Variants in MIPEP observed in about 807,000 individuals in gnomAD.
The protein encoded by MIPEP is mitochondrial intermediate peptidase.
Under a neutral mutation model 90.3 loss-of-function variants are expected in MIPEP, and 79 were observed. The observed-to-expected ratio is 0.87, with a 90% CI of 0.73 to 1.05. MIPEP has a LOEUF of 1.05. Ranked by LOEUF, MIPEP falls within the 50% of genes least tolerant of loss-of-function variation. MIPEP has a pLI of 0.00. For synonymous variants in MIPEP, 334 were observed against 315.8 expected (o/e 1.06, Z -0.61); for missense variants, 940 against 905.6 (o/e 1.04, Z -0.49).
chr13:23,810,071 T>A (rs1275234798), intron 14 of MIPEP, 147 bp from the exon 15 acceptor site: 2 of 516,840 alleles, frequency 3.9e-6, no homozygotes, highest in Non-Finnish European at 6.7e-6. Flanking sequence ...TTTAAATATT[T>A]TAGTTGGCAA....
intron 18 of MIPEP, among the ~76,000 whole-genome samples, chr13:23,741,585 TG>T (rs1952329241): frequency 6.6e-6 from 1 of 152,112 alleles, no homozygotes; most frequent in Non-Finnish European, 1.5e-5. Flanking sequence ...AACCAATTAC[TG>T]CATGTTCTTA....
At position 23,781,103 on chromosome 13, in the gene MIPEP, A is replaced by C. The variant is rs538907546; in HGVS notation, c.1849-20886T>G. On this transcript the variant is annotated intron_variant, in intron 16 of 18. Transcript: ENST00000382172. ...CATTCAAATTCAGGAAATACAGAGA[A>C]CACCACAAAGATACTCCTCGAGAAG... Among the ~76,000 whole-genome samples the C allele has an allele frequency of 3.9e-5, 6 of 152,314 alleles. No individual in the cohort carries two copies. The East Asian group carries it at 9.6e-4, about 24-fold the overall frequency.
chr13:23,862,260 C>T, intron 9 of MIPEP, 42 bp downstream of exon 9: 1 of 1,172,732 alleles, frequency 8.5e-7, no homozygotes, highest in South Asian at 1.4e-5. Flanking sequence ...TTTCAGTTGA[C>T]AGACTGTCTA....
intron 10 of MIPEP, among the ~76,000 whole-genome samples, chr13:23,857,352 A>T (rs11618815): frequency 0.28 from 41,946 of 151,888 alleles, 6,699 homozygotes; most frequent in Non-Finnish European, 0.36. Context: ...ATACATTTTT[A>T]AAAAAATGGT....
chr13:23,817,392 T>C (rs1953252759), intron 14 of MIPEP, among the ~76,000 whole-genome samples: 1 of 151,990 alleles, frequency 6.6e-6, no homozygotes, highest in Admixed American at 6.6e-5. Flanking sequence ...CGAGTGAGAA[T>C]CCCCCTTTCC....
intron 14 of MIPEP, among the ~76,000 whole-genome samples, chr13:23,825,507 C>T (rs956548190): frequency 6.6e-6 from 1 of 152,176 alleles, no homozygotes; most frequent in African/African-American, 2.4e-5. Flanking sequence ...TAGAATGTTA[C>T]TGTTCTAAAA....
At chr13:23,802,454 G>A (rs944337858) in intron 16 of MIPEP, among the ~76,000 whole-genome samples, 1 of 152,016 alleles carries the variant, frequency 6.6e-6, no homozygotes, top group African/African-American at 2.4e-5. Flanking sequence ...TGTAATCCCA[G>A]CTACTCAGGA....
At chr13:23,828,345 T>C (rs1868571463) in intron 14 of MIPEP, among the ~76,000 whole-genome samples, 1 of 152,140 alleles carries the variant, frequency 6.6e-6, no homozygotes, top group Non-Finnish European at 1.5e-5. Flanking sequence ...TAGAACAAGG[T>C]AAACAGAAAA....
intron 10 of MIPEP, among the ~76,000 whole-genome samples, chr13:23,848,042 C>T (rs937109790): frequency 2.0e-5 from 3 of 152,156 alleles, no homozygotes; most frequent in Non-Finnish European, 2.9e-5. Context: ...ATCTGGAATA[C>T]AAGAAAGAGC....
At chr13:23,796,776 AAGCTGGTACAGTGGTT>A (rs1426546637) in intron 16 of MIPEP, among the ~76,000 whole-genome samples, 1 of 152,194 alleles carries the variant, frequency 6.6e-6, no homozygotes, top group East Asian at 1.9e-4. Context: ...CTCCATCTCC[AAGCTGGTACAGTGGTT>A]ACTTTCCTTT....
intron 2 of MIPEP, among the ~76,000 whole-genome samples, chr13:23,885,751 C>G (rs1480288164): frequency 2.8e-5 from 4 of 145,044 alleles, no homozygotes. Flanking sequence ...AAAAAAAAAG[C>G]ATTCCTGAAA....
chr13:23,838,476 T>C (rs1369062489), intron 12 of MIPEP, among the ~76,000 whole-genome samples: 4 of 152,166 alleles, frequency 2.6e-5, no homozygotes, highest in African/African-American at 9.7e-5. Context: ...TTGAACGAGA[T>C]GGGATCTAAA....
chr13:23,753,455 T>C (rs993855217), intron 18 of MIPEP, among the ~76,000 whole-genome samples: 1 of 152,126 alleles, frequency 6.6e-6, no homozygotes, highest in African/African-American at 2.4e-5. Flanking sequence ...TCAAATGGTA[T>C]TTGGTGTGTT....
chr13:23,828,454 G>A (rs2137439716), intron 14 of MIPEP, among the ~76,000 whole-genome samples: 1 of 152,252 alleles, frequency 6.6e-6, no homozygotes, highest in Admixed American at 6.5e-5. Flanking sequence ...CAAATTCTGT[G>A]AATTAATAAG....
intron 2 of MIPEP, among the ~76,000 whole-genome samples, chr13:23,884,216 G>C (rs1196516187): frequency 2.6e-5 from 4 of 150,952 alleles, no homozygotes; most frequent in African/African-American, 9.8e-5. Flanking sequence ...AGAGGTTAGT[G>C]GGGAGGGGGG....
chr13:23,738,063 A>C (rs1952284216), intron 18 of MIPEP, among the ~76,000 whole-genome samples: 1 of 152,232 alleles, frequency 6.6e-6, no homozygotes, highest in Admixed American at 6.5e-5. Flanking sequence ...GAAACTATTA[A>C]TTGAATATTT....
chr13:23,736,769 G>A (rs1050124636), intron 18 of MIPEP, among the ~76,000 whole-genome samples: 3 of 152,094 alleles, frequency 2.0e-5, no homozygotes, highest in Non-Finnish European at 2.9e-5. Flanking sequence ...CAGAACCACG[G>A]TGGCTGTTTA....
intron 7 of MIPEP, among the ~76,000 whole-genome samples, chr13:23,868,408 AC>A (rs1219565458): frequency 6.6e-6 from 1 of 152,176 alleles, no homozygotes; most frequent in African/African-American, 2.4e-5. Context: ...CATTTAGAGA[AC>A]TTTGGAGAAG....
chr13:23,855,724 G>C lies in MIPEP; in HGVS notation c.1106+3136C>G, dbSNP rs182776391. The stretch of plus-strand genomic sequence containing the variant: ...TACTTAAAATAGATTTTTAAAACCC[G>C]ATTCTTACAACCCCTTCTGATGCAT... On this transcript the variant is annotated intron_variant, in intron 10 of 18. Transcript: ENST00000382172. 1.2e-3 allele frequency among the ~76,000 whole-genome samples: 187 copies of C among 152,268 alleles called. 2 individuals carry two copies. In the East Asian group the frequency reaches 0.03, roughly 25 times the overall value.
Sources: gnomAD v4.1 joint callset for allele counts (sites outside exome capture counted in the v4.1 genomes callset) on GRCh38, gnomAD v4.1.1 for gene constraint, MANE v1.5 for transcripts, NCBI Gene and HGNC (gene_info 2026-07-23, HGNC 2026-07-21) for gene names.